ARHGAP24: variants seen among roughly 807,000 people sequenced by gnomAD.
The protein encoded by ARHGAP24 is rho GTPase-activating protein 24.
Under a neutral mutation model 76.4 loss-of-function variants are expected in ARHGAP24, and 50 were observed. That is an observed-to-expected ratio of 0.65 (90% confidence interval 0.52 to 0.83). The LOEUF (loss-of-function observed/expected upper bound fraction) is 0.83, where lower values mean the gene tolerates loss of function less well. Among genes scored for constraint, ARHGAP24 ranks in the 40% least tolerant of loss-of-function variants. The probability of loss-of-function intolerance (pLI) is 0.00; values close to 1 mark genes in which losing one functional copy is unlikely to be tolerated. For synonymous variants in ARHGAP24, 345 were observed against 323.3 expected, an observed-to-expected ratio of 1.07 and a Z score of -0.72; for missense variants, 930 against 914.2, an observed-to-expected ratio of 1.02 and a Z score of -0.22.
chr4:85,903,078 G>A (rs562735128), intron 3 of ARHGAP24, among the ~76,000 whole-genome samples: 15 of 152,286 alleles, frequency 9.8e-5, no homozygotes, highest in African/African-American at 3.4e-4. Context: ...AACCAACTGA[G>A]AATGGAATTG....
At chr4:85,479,358 T>C (rs983517366) in intron 1 of ARHGAP24, among the ~76,000 whole-genome samples, 1 of 152,146 alleles carries the variant, frequency 6.6e-6, no homozygotes, top group African/African-American at 2.4e-5. Flanking sequence ...TAGAAACAAT[T>C]ATAATAGATA....
chr4:85,479,056 G>A (rs1383427146), intron 1 of ARHGAP24, among the ~76,000 whole-genome samples: 1 of 152,196 alleles, frequency 6.6e-6, no homozygotes, highest in Non-Finnish European at 1.5e-5. Context: ...AAGTGGGCAA[G>A]TGAAGTCGTC....
chr4:85,848,800 G>A (rs1186697214), intron 3 of ARHGAP24, among the ~76,000 whole-genome samples: 2 of 152,068 alleles, frequency 1.3e-5, no homozygotes, highest in Non-Finnish European at 2.9e-5. Flanking sequence ...TGTTCCATTG[G>A]TCTATATCTC....
chr4:85,877,548 C>A (rs1254638756), intron 3 of ARHGAP24, among the ~76,000 whole-genome samples: 2 of 151,886 alleles, frequency 1.3e-5, no homozygotes, highest in Non-Finnish European at 2.9e-5. Flanking sequence ...TCTTTTGAGC[C>A]CAGGCGTTCA....
intron 5 of ARHGAP24, among the ~76,000 whole-genome samples, chr4:85,967,330 A>G (rs1373262206): frequency 6.6e-6 from 1 of 152,160 alleles, no homozygotes; most frequent in African/African-American, 2.4e-5. Flanking sequence ...AATGTTGTTC[A>G]TTTATTTTTC....
intron 1 of ARHGAP24, among the ~76,000 whole-genome samples, chr4:85,535,980 T>C (rs1047616372): frequency 6.6e-6 from 1 of 152,310 alleles, no homozygotes; most frequent in African/African-American, 2.4e-5. Flanking sequence ...GTGACGTTTA[T>C]TGTGACAGGT....
chr4:85,986,589 G>A (rs1002899777), intron 8 of ARHGAP24, among the ~76,000 whole-genome samples: 2 of 152,170 alleles, frequency 1.3e-5, no homozygotes, highest in East Asian at 1.9e-4. Context: ...AGTAAGGTCA[G>A]ACAATGAGAA....
chr4:85,876,971 G>GT (rs1274376510), intron 3 of ARHGAP24, among the ~76,000 whole-genome samples: 2 of 152,036 alleles, frequency 1.3e-5, no homozygotes, highest in African/African-American at 2.4e-5. Flanking sequence ...AAGCTGACCT[G>GT]TTTTTGATAT....
chr4:85,913,532 G>A (rs764939981), intron 3 of ARHGAP24, among the ~76,000 whole-genome samples: 9 of 151,730 alleles, frequency 5.9e-5, no homozygotes, highest in Non-Finnish European at 1.2e-4. Flanking sequence ...ATCTCATTTA[G>A]GTCCCTGTCT....
intron 2 of ARHGAP24, among the ~76,000 whole-genome samples, chr4:85,718,298 CA>C (rs372161746): frequency 1.3e-5 from 2 of 152,162 alleles, no homozygotes; most frequent in African/African-American, 4.8e-5. Flanking sequence ...GGCATAACAA[CA>C]ATACATGACT....
intron 3 of ARHGAP24, among the ~76,000 whole-genome samples, chr4:85,889,242 CT>C (rs1733744687): frequency 6.6e-6 from 1 of 152,166 alleles, no homozygotes; most frequent in South Asian, 2.1e-4. Flanking sequence ...ATAACAGGAA[CT>C]TAACTTCCCA....
intron 3 of ARHGAP24, among the ~76,000 whole-genome samples, chr4:85,879,322 A>C (rs1733108443): frequency 6.6e-6 from 1 of 152,298 alleles, no homozygotes; most frequent in East Asian, 1.9e-4. Flanking sequence ...CGACACGTTA[A>C]GCATCTTTAT....
chr4:85,727,363 A>G (rs186265357), intron 3 of ARHGAP24, among the ~76,000 whole-genome samples: 1 of 152,266 alleles, frequency 6.6e-6, no homozygotes, highest in East Asian at 1.9e-4. Flanking sequence ...AAGAGTAGGC[A>G]TTTTTGTTTT....
chr4:85,715,949 A>T (rs1284912003), intron 2 of ARHGAP24, among the ~76,000 whole-genome samples: 1 of 152,074 alleles, frequency 6.6e-6, no homozygotes, highest in African/African-American at 2.4e-5. Flanking sequence ...ATATCGTTTT[A>T]ATAAAACCTG....
intron 3 of ARHGAP24, among the ~76,000 whole-genome samples, chr4:85,839,301 G>A (rs1730458372): frequency 6.6e-6 from 1 of 152,152 alleles, no homozygotes; most frequent in African/African-American, 2.4e-5. Flanking sequence ...GGATATCAGA[G>A]GATAGAGACT....
chr4:85,898,004 C>T (rs1349710529), intron 3 of ARHGAP24, among the ~76,000 whole-genome samples: 1 of 136,604 alleles, frequency 7.3e-6, no homozygotes, highest in Non-Finnish European at 1.5e-5. Context: ...TATATATATA[C>T]ACATATATAT....
In ARHGAP24 at chr4:85,833,491, AAAAC is replaced by A. The variant is rs142333835; in HGVS notation, c.269-90154_269-90151del. Reference sequence around the variant, plus strand: ...ACTATCCTCTGACCTGGGGAAAAAAAAAACAACAACAACACTTGTGTCATTCACG... The same window carrying A: ...ACTATCCTCTGACCTGGGGAAAAAAAAACAACAACACTTGTGTCATTCACG... On this transcript the variant is annotated intron_variant, in intron 3 of 9. Coordinates refer to ENST00000395184, the MANE Select transcript of ARHGAP24 (RefSeq NM_001025616.3). Among the ~76,000 whole-genome samples, 4 of 152,248 alleles carry A rather than the reference AAAAC, an allele frequency of 2.6e-5. No individual in the cohort carries two copies. The East Asian group carries it at 7.7e-4, about 29-fold the overall frequency.
At chr4:85,834,869 T>C (rs1730179486) in intron 3 of ARHGAP24, among the ~76,000 whole-genome samples, 1 of 152,048 alleles carries the variant, frequency 6.6e-6, no homozygotes, top group African/African-American at 2.4e-5. Context: ...ACCCAAACAC[T>C]CCTGCACTTT....
At chr4:85,712,137 A>G (rs1724552565) in intron 2 of ARHGAP24, among the ~76,000 whole-genome samples, 1 of 152,196 alleles carries the variant, frequency 6.6e-6, no homozygotes. Flanking sequence ...GTAAAATGAC[A>G]TTTAGTAATT....
Sources: gnomAD v4.1 joint callset for allele counts (sites outside exome capture counted in the v4.1 genomes callset) on GRCh38, gnomAD v4.1.1 for gene constraint, MANE v1.5 for transcripts, NCBI Gene and HGNC (gene_info 2026-07-23, HGNC 2026-07-21) for gene names.